Variants in FLT1 observed in about 807,000 individuals in gnomAD.
FLT1 encodes vascular endothelial growth factor receptor 1.
FLT1 carries 49 observed loss-of-function variants against 156.3 expected under a neutral mutation model. That is an observed-to-expected ratio of 0.31 (90% CI 0.25 to 0.40). The LOEUF is 0.40. Ranked by LOEUF, FLT1 falls within the 10% of genes least tolerant of loss-of-function variation. The pLI is 1.00. For synonymous variants in FLT1, 594 were observed against 583.8 expected, an observed-to-expected ratio of 1.02 and a Z score of -0.25; for missense variants, 1,322 against 1,637.2, an observed-to-expected ratio of 0.81 and a Z score of 3.32.
At chr13:28,472,803 T>G (rs1008977089) in intron 1 of FLT1, among the ~76,000 whole-genome samples, 1 of 152,142 alleles carries the variant, frequency 6.6e-6, no homozygotes, top group African/African-American at 2.4e-5. Flanking sequence ...TAGGGTTCGG[T>G]TTTTAGGATC....
At chr13:28,460,567 A>T (rs557041658) in intron 3 of FLT1, among the ~76,000 whole-genome samples, 97 of 152,188 alleles carry the variant, frequency 6.4e-4, no homozygotes, top group African/African-American at 2.2e-3. Flanking sequence ...AACCACCAAA[A>T]GCAGTGGACC....
intron 8 of FLT1, among the ~76,000 whole-genome samples, chr13:28,429,338 A>G (rs1357185048): frequency 6.6e-6 from 1 of 152,200 alleles, no homozygotes; most frequent in Non-Finnish European, 1.5e-5. Context: ...TTGTTTTGCT[A>G]ATCAGTTTTG....
chr13:28,365,908 A>G (rs1279544411), intron 14 of FLT1, among the ~76,000 whole-genome samples: 1 of 152,192 alleles, frequency 6.6e-6, no homozygotes, highest in African/African-American at 2.4e-5. Flanking sequence ...GCATTTGCAA[A>G]CATAGATGTC....
chr13:28,453,369 T>C (rs879249935), intron 3 of FLT1, among the ~76,000 whole-genome samples: 1 of 152,080 alleles, frequency 6.6e-6, no homozygotes, highest in African/African-American at 2.4e-5. Flanking sequence ...GTGATCTACC[T>C]GCCTCGGCCT....
In FLT1 at chr13:28,438,227, T is replaced by A; in HGVS notation, c.507A>T (p.Leu169Phe). Residue 169 changes from leucine to phenylalanine, a missense_variant, in exon 4 of 30, where the codon TTA (leucine) becomes TTT (phenylalanine). Around this residue, in one of 3 missense-constraint regions of FLT1, gnomAD observed 991 missense variants for 1,254.8 expected, o/e 0.79. Coordinates refer to ENST00000282397, the MANE Select transcript of FLT1 (RefSeq NM_002019.4). ...TAGCGGTGTTCAAATTTACCTTTTT[T>A]AAAGTAACAGTGATGTTAGGTGACG... is the stretch of plus-strand genomic sequence containing the variant. ...RVTSPNITVT[L>F]KKFPLDTLIP... The A allele has an allele frequency of 1.2e-6, 2 of 1,613,940 alleles. No homozygotes were observed. Among genetic ancestry groups the A allele is most frequent in the South Asian group, 1.1e-5 (1 of 91,082 alleles).
At chr13:28,317,828 C>T (rs1191245096) in intron 24 of FLT1, among the ~76,000 whole-genome samples, 12 of 152,220 alleles carry the variant, frequency 7.9e-5, no homozygotes, top group Non-Finnish European at 1.8e-4. Flanking sequence ...GCACCTGGTG[C>T]TCACAGGCTA....
At chr13:28,460,920 C>T (rs1298663346) in intron 3 of FLT1, among the ~76,000 whole-genome samples, 1 of 151,978 alleles carries the variant, frequency 6.6e-6, no homozygotes, top group Non-Finnish European at 1.5e-5. Flanking sequence ...AACACTTACC[C>T]TTACTCTTTG....
rs140299423 is a variant in FLT1 at position 28,457,195 on chromosome 13, T to C, written c.388+9708A>G. 2.0e-5 allele frequency among the ~76,000 whole-genome samples: 3 copies of C among 149,348 alleles called. No homozygotes were observed. The East Asian group carries it at 5.8e-4, about 29-fold the overall frequency. On this transcript the variant is annotated intron_variant, in intron 3 of 29. Coordinates refer to ENST00000282397, the MANE Select transcript of FLT1 (RefSeq NM_002019.4). ...AAAATCATACACACACACACACACA[T>C]AGACATGCACACACATCTAATTTTT...
chr13:28,403,818 C>T (rs1432388193), intron 11 of FLT1, among the ~76,000 whole-genome samples: 3 of 152,040 alleles, frequency 2.0e-5, no homozygotes, highest in African/African-American at 4.8e-5. Flanking sequence ...CCAAGGCAGG[C>T]GGATCACAGG....
At chr13:28,430,257 G>C in intron 7 of FLT1, 90 bp from the exon 8 acceptor site, 1 of 866,204 alleles carries the variant, frequency 1.2e-6, no homozygotes, top group Non-Finnish European at 1.9e-6. Context: ...TGTAATCAAT[G>C]AGTAAATAAA....
chr13:28,455,612 T>G (rs1337304353), intron 3 of FLT1, among the ~76,000 whole-genome samples: 2 of 152,192 alleles, frequency 1.3e-5, no homozygotes, highest in Non-Finnish European at 2.9e-5. Flanking sequence ...ACTAAAGGCA[T>G]GATCTACAAA....
At chr13:28,304,297 G>A (rs1870644093) in intron 29 of FLT1, among the ~76,000 whole-genome samples, 1 of 152,118 alleles carries the variant, frequency 6.6e-6, no homozygotes, top group African/African-American at 2.4e-5. Context: ...CCTCATTGGT[G>A]CCTCTGATCT....
intron 10 of FLT1, among the ~76,000 whole-genome samples, chr13:28,424,093 C>T (rs190257080): frequency 2.0e-5 from 3 of 152,002 alleles, no homozygotes; most frequent in East Asian, 3.9e-4. Context: ...TGCCTGCCAC[C>T]GCTCCTGGCT....
chr13:28,481,482 C>T lies in FLT1; in HGVS notation c.64+13298G>A, dbSNP rs543412005. On this transcript the variant is annotated intron_variant, in intron 1 of 29. Transcript: ENST00000282397. Reference sequence around the variant, plus strand: ...ACACACACACACACACACACACACACATACACGTACTTAGAAGGTGAACCA... The same window carrying T: ...ACACACACACACACACACACACACATATACACGTACTTAGAAGGTGAACCA... Among the ~76,000 whole-genome samples, 601 of 147,864 alleles carry T rather than the reference C, an allele frequency of 4.1e-3. 1 individual carries two copies. The highest frequency in any genetic ancestry group is 6.1e-3 in the Non-Finnish European group (413 of 67,640).
chr13:28,317,109 C>T (rs1871243113), intron 25 of FLT1, among the ~76,000 whole-genome samples: 1 of 152,238 alleles, frequency 6.6e-6, no homozygotes, highest in South Asian at 2.1e-4. Context: ...GCCCTCCATC[C>T]CTGGGGCTGC....
chr13:28,485,552 T>A (rs575420243), intron 1 of FLT1, among the ~76,000 whole-genome samples: 2 of 152,228 alleles, frequency 1.3e-5, no homozygotes. Flanking sequence ...TTATTTACTG[T>A]ATTTTCTTGG....
chr13:28,313,531 T>C (rs919047175), intron 25 of FLT1, among the ~76,000 whole-genome samples: 18 of 152,200 alleles, frequency 1.2e-4, no homozygotes, highest in African/African-American at 4.3e-4. Context: ...GGGCTCCGAA[T>C]TTGGCTCTGG....
intron 1 of FLT1, among the ~76,000 whole-genome samples, chr13:28,472,286 T>C (rs1431380607): frequency 6.6e-6 from 1 of 152,212 alleles, no homozygotes; most frequent in Non-Finnish European, 1.5e-5. Flanking sequence ...CATATCCAAG[T>C]AAATGATGGC....
intron 15 of FLT1, among the ~76,000 whole-genome samples, chr13:28,348,565 G>A (rs1872638150): frequency 6.6e-6 from 1 of 152,148 alleles, no homozygotes; most frequent in South Asian, 2.1e-4. Flanking sequence ...GCGAATGAAT[G>A]TATATATATG....
Sources: gnomAD v4.1 joint callset for allele counts (sites outside exome capture counted in the v4.1 genomes callset) on GRCh38, gnomAD v4.1.1 for gene constraint, gnomAD v4.1.1 regional missense constraint, MANE v1.5 for transcripts, NCBI Gene and HGNC (gene_info 2026-07-23, HGNC 2026-07-21) for gene names.